MGAT4C: variants seen among roughly 807,000 people sequenced by gnomAD.
The protein encoded by MGAT4C is alpha-1,3-mannosyl-glycoprotein 4-beta-N-acetylglucosaminyltransferase C.
In MGAT4C, 19 loss-of-function variants were observed where a neutral mutation model predicts 40.1. The ratio of observed to expected loss-of-function variants is 0.47; its 90% CI spans 0.33 to 0.70. The LOEUF (loss-of-function observed/expected upper bound fraction) is 0.70, where lower values mean the gene tolerates loss of function less well. Among genes scored for constraint, MGAT4C ranks in the 30% least tolerant of loss-of-function variants. MGAT4C has a pLI of 0.02. For missense variants in MGAT4C, 491 were observed against 563.2 expected, an observed-to-expected ratio of 0.87 and a Z score of 1.30; for synonymous variants, 181 against 187.1, an observed-to-expected ratio of 0.97 and a Z score of 0.27.
At chr12:86,804,378 G>A (rs1484339853) in intron 1 of MGAT4C, among the ~76,000 whole-genome samples, 2 of 147,340 alleles carry the variant, frequency 1.4e-5, no homozygotes, top group African/African-American at 2.5e-5. Context: ...TAACTAAGCT[G>A]CACAATGTGC....
At chr12:86,065,239 C>T (rs1030626125) in intron 1 of MGAT4C, among the ~76,000 whole-genome samples, 20 of 152,164 alleles carry the variant, frequency 1.3e-4, no homozygotes, top group African/African-American at 4.6e-4. Flanking sequence ...AATACCAAAA[C>T]ATGGCAGAGA....
chr12:85,988,777 C>A (rs202047586), intron 3 of MGAT4C, among the ~76,000 whole-genome samples: 3 of 151,822 alleles, frequency 2.0e-5, no homozygotes, highest in East Asian at 1.9e-4. Context: ...CCTAAAAAAA[C>A]CTATTTATAT....
upstream of MGAT4C, among the ~76,000 whole-genome samples, chr12:86,256,907 T>C (rs888084358): frequency 2.6e-5 from 4 of 152,150 alleles, no homozygotes; most frequent in African/African-American, 9.6e-5. Context: ...CCATTTGTTT[T>C]TAAATCTTCT....
chr12:86,080,793 C>T (rs1355229260), intron 1 of MGAT4C, among the ~76,000 whole-genome samples: 1 of 152,148 alleles, frequency 6.6e-6, no homozygotes, highest in African/African-American at 2.4e-5. Flanking sequence ...CAATATGTTA[C>T]CCCATGAAGT....
chr12:86,019,083 A>G (rs896165577), intron 2 of MGAT4C, among the ~76,000 whole-genome samples: 3 of 152,120 alleles, frequency 2.0e-5, no homozygotes, highest in African/African-American at 7.2e-5. Flanking sequence ...GTAGTAGCAA[A>G]CATTGAACTA....
At chr12:86,055,183 C>T (rs1051062809) in intron 1 of MGAT4C, among the ~76,000 whole-genome samples, 8 of 151,934 alleles carry the variant, frequency 5.3e-5, no homozygotes, top group African/African-American at 1.9e-4. Flanking sequence ...TCATAAGCCT[C>T]AACAAGGCTT....
intron 1 of MGAT4C, among the ~76,000 whole-genome samples, chr12:86,135,665 T>A (rs1399458198): frequency 1.3e-5 from 2 of 152,208 alleles, no homozygotes; most frequent in Admixed American, 6.5e-5. Flanking sequence ...ATAGTGACCA[T>A]TTACATAGTG....
At chr12:86,006,688 T>G (rs1455859954) in intron 2 of MGAT4C, among the ~76,000 whole-genome samples, 1 of 152,088 alleles carries the variant, frequency 6.6e-6, no homozygotes, top group African/African-American at 2.4e-5. Flanking sequence ...ATTTCATCCC[T>G]CTCAACATCT....
intron 1 of MGAT4C, among the ~76,000 whole-genome samples, chr12:86,732,177 C>CT (rs1189888133): frequency 1.3e-5 from 2 of 152,166 alleles, no homozygotes; most frequent in Non-Finnish European, 2.9e-5. Context: ...CTGCTTGTCA[C>CT]TTTCATTTTA....
At chr12:86,775,291 T>C (rs1951731041) in intron 1 of MGAT4C, among the ~76,000 whole-genome samples, 1 of 152,004 alleles carries the variant, frequency 6.6e-6, no homozygotes, top group Non-Finnish European at 1.5e-5. Flanking sequence ...GATAAAGCCA[T>C]GTGGATGAAC....
At chr12:86,240,162 G>GCACA (rs140732034) in intron 1 of MGAT4C, among the ~76,000 whole-genome samples, 14 of 149,864 alleles carry the variant, frequency 9.3e-5, no homozygotes, top group Admixed American at 8.0e-4. Flanking sequence ...CATTTCAAAA[G>GCACA]CACACACACA....
chr12:86,601,622 C>T (rs576994023), intron 2 of MGAT4C, among the ~76,000 whole-genome samples: 3 of 152,198 alleles, frequency 2.0e-5, no homozygotes, highest in African/African-American at 7.2e-5. Flanking sequence ...CCCCAGACTG[C>T]GGGAGCGAAA....
At chr12:86,011,959 C>G in intron 2 of MGAT4C, 2 of 657,554 alleles carry the variant, frequency 3.0e-6, no homozygotes, top group Non-Finnish European at 3.8e-6. Context: ...GATCTTGGTT[C>G]CATGTTCAAA....
chr12:86,178,130 G>A (rs55867737), intron 1 of MGAT4C, among the ~76,000 whole-genome samples: 11,222 of 152,124 alleles, frequency 0.074, 572 homozygotes, highest in Middle Eastern at 0.21. Flanking sequence ...TAGAGACAGG[G>A]TTTCACCGTG....
intron 2 of MGAT4C, among the ~76,000 whole-genome samples, chr12:86,615,043 A>G (rs1962405978): frequency 6.6e-6 from 1 of 152,024 alleles, no homozygotes; most frequent in Non-Finnish European, 1.5e-5. Context: ...GAAAAAAACA[A>G]TTGGCAGTAT....
chr12:86,715,768 A>G (rs547073074), intron 2 of MGAT4C, among the ~76,000 whole-genome samples: 1 of 152,282 alleles, frequency 6.6e-6, no homozygotes, highest in South Asian at 2.1e-4. Flanking sequence ...GATGTCTTAG[A>G]TCAGCATCAG....
At chr12:86,830,165 T>A (rs1952893414) in intron 1 of MGAT4C, among the ~76,000 whole-genome samples, 1 of 151,536 alleles carries the variant, frequency 6.6e-6, no homozygotes, top group Non-Finnish European at 1.5e-5. Flanking sequence ...AGTCTCACTG[T>A]CCCTCTTGTC....
At chr12:86,269,126 T>C (rs1952879206) in intron 4 of MGAT4C, among the ~76,000 whole-genome samples, 2 of 148,008 alleles carry the variant, frequency 1.4e-5, no homozygotes, top group African/African-American at 4.9e-5. Flanking sequence ...TATTTAATTG[T>C]TGTGAGCTCC....
intron 1 of MGAT4C, among the ~76,000 whole-genome samples, chr12:86,814,464 C>A (rs1250271076): frequency 1.3e-5 from 2 of 150,014 alleles, no homozygotes; most frequent in Non-Finnish European, 3.0e-5. Context: ...ACTGAATTCT[C>A]ATAATTATAT....
Sources: gnomAD v4.1 joint callset for allele counts (sites outside exome capture counted in the v4.1 genomes callset) on GRCh38, gnomAD v4.1.1 for gene constraint, MANE v1.5 for transcripts, NCBI Gene and HGNC (gene_info 2026-07-23, HGNC 2026-07-21) for gene names.